Variants in BABAM2 observed in about 807,000 individuals in gnomAD.
The protein encoded by BABAM2 is BRISC and BRCA1 A complex member 2, also known as BRISC and BRCA1-A complex member 2.
A neutral mutation model predicts 54.7 loss-of-function variants in BABAM2; 31 were observed. The ratio of observed to expected loss-of-function variants is 0.57; its 90% CI spans 0.43 to 0.77. The LOEUF (loss-of-function observed/expected upper bound fraction) is 0.77, where lower values mean the gene tolerates loss of function less well. Among genes scored for constraint, BABAM2 ranks in the 30% least tolerant of loss-of-function variants. The pLI is 0.00. For synonymous variants in BABAM2, 167 were observed against 162.9 expected (o/e 1.03, Z -0.19); for missense variants, 364 against 455.8 (o/e 0.80, Z 1.83).
chr2:28,145,581 G>A (rs1671423979), intron 7 of BABAM2, among the ~76,000 whole-genome samples: 1 of 152,070 alleles, frequency 6.6e-6, no homozygotes. Flanking sequence ...GTTTTATTGA[G>A]CTATAATTCC....
In BABAM2 at chr2:28,304,133, G is replaced by T. The variant is rs1019813531; in HGVS notation, c.1088+5642G>T. The stretch of plus-strand genomic sequence containing the variant: ...TGCAATGGCATGATCTTGGCTCACC[G>T]CAACCTCCACCTCCCAGGTTCAAGT... On this transcript the variant is annotated intron_variant, in intron 11 of 11. Coordinates refer to ENST00000379624, the MANE Select transcript of BABAM2 (RefSeq NM_199191.3). The surrounding 1 kb of genome is among the most constrained non-coding windows in gnomAD (Gnocchi z 4.0). 6.6e-6 allele frequency among the ~76,000 whole-genome samples: 1 copy of T among 151,880 alleles called. No individual in the cohort carries two copies.
At chr2:28,263,799 A>C (rs937066125) in intron 10 of BABAM2, among the ~76,000 whole-genome samples, 1 of 152,234 alleles carries the variant, frequency 6.6e-6, no homozygotes, top group Non-Finnish European at 1.5e-5. Flanking sequence ...GGGGCTCCCC[A>C]GTGTTACCTC....
intron 3 of BABAM2, among the ~76,000 whole-genome samples, chr2:27,975,501 A>C (rs1176068912): frequency 6.6e-6 from 1 of 152,096 alleles, no homozygotes; most frequent in Non-Finnish European, 1.5e-5. Flanking sequence ...CAGCAAGTAG[A>C]CATCTACATG....
intron 6 of BABAM2, among the ~76,000 whole-genome samples, chr2:28,117,738 C>G (rs754326807): frequency 6.6e-6 from 1 of 152,142 alleles, no homozygotes; most frequent in Non-Finnish European, 1.5e-5. Flanking sequence ...TCAGCTGTTC[C>G]CAGGTATTAG....
intron 3 of BABAM2, among the ~76,000 whole-genome samples, chr2:27,967,966 A>G (rs568553027): frequency 6.6e-6 from 1 of 152,366 alleles, no homozygotes; most frequent in African/African-American, 2.4e-5. Flanking sequence ...TAAGGGAAGC[A>G]GAGCATAAAA....
At chr2:27,957,324 G>T (rs981667036) in intron 3 of BABAM2, among the ~76,000 whole-genome samples, 2 of 152,130 alleles carry the variant, frequency 1.3e-5, no homozygotes, top group African/African-American at 4.8e-5. Flanking sequence ...TCCAAATTTT[G>T]AAGTACAGTA....
chr2:27,987,890 TA>T (rs1672516173), intron 3 of BABAM2, 102 bp from the exon 4 acceptor site: 1 of 982,068 alleles, frequency 1.0e-6, no homozygotes, highest in African/African-American at 1.6e-5. Context: ...ATGGTTTTCT[TA>T]AACTAATGTA....
At chr2:28,119,557 G>T (rs1205398949) in intron 6 of BABAM2, among the ~76,000 whole-genome samples, 4 of 152,104 alleles carry the variant, frequency 2.6e-5, no homozygotes, top group Non-Finnish European at 5.9e-5. Flanking sequence ...TTTTCAAAGA[G>T]CCAGGATTTT....
At chr2:28,219,774 T>G (rs935548215) in intron 7 of BABAM2, among the ~76,000 whole-genome samples, 1 of 152,204 alleles carries the variant, frequency 6.6e-6, no homozygotes, top group Admixed American at 6.5e-5. Flanking sequence ...AGAGATGATG[T>G]TGTCGTAACA....
intron 6 of BABAM2, among the ~76,000 whole-genome samples, chr2:28,077,851 C>A (rs923247798): frequency 1.4e-4 from 22 of 152,074 alleles, no homozygotes; most frequent in African/African-American, 5.1e-4. Flanking sequence ...TCATAAAATT[C>A]ATGATTATAT....
chr2:27,967,776 T>A (rs1002854763), intron 3 of BABAM2, among the ~76,000 whole-genome samples: 1 of 152,214 alleles, frequency 6.6e-6, no homozygotes, highest in East Asian at 1.9e-4. Flanking sequence ...CATTGGGAAC[T>A]GGAGCAAAGG....
At position 28,204,554 on chromosome 2, in the gene BABAM2, G is replaced by T. The variant is rs146538035; in HGVS notation, c.681-32648G>T. Among the ~76,000 whole-genome samples, 7 of 151,890 alleles carry T rather than the reference G, an allele frequency of 4.6e-5. No homozygotes were observed. In the East Asian group the frequency reaches 1.2e-3, roughly 25 times the overall value. ...TTTTTTTCAACATACTTAGGACAAGGTCATTTCAAATGCCCAGATAAGTGC... is the reference window on the plus strand; with the variant it reads ...TTTTTTTCAACATACTTAGGACAAGTTCATTTCAAATGCCCAGATAAGTGC... On this transcript the variant is annotated intron_variant, in intron 7 of 11. Coordinates refer to ENST00000379624, the MANE Select transcript of BABAM2 (RefSeq NM_199191.3).
intron 11 of BABAM2, among the ~76,000 whole-genome samples, chr2:28,315,490 A>T (rs1169166922): frequency 3.1e-5 from 3 of 97,706 alleles, no homozygotes; most frequent in East Asian, 2.7e-4. Context: ...TCTTTTCGAG[A>T]CAGAGTCTCA....
At chr2:28,160,771 G>A (rs1423650688) in intron 7 of BABAM2, among the ~76,000 whole-genome samples, 1 of 149,958 alleles carries the variant, frequency 6.7e-6, no homozygotes, top group African/African-American at 2.5e-5. Context: ...GAGTAGGTAG[G>A]TGGGATGAAA....
intron 7 of BABAM2, among the ~76,000 whole-genome samples, chr2:28,234,106 C>T (rs1488052366): frequency 5.3e-5 from 8 of 152,128 alleles, no homozygotes; most frequent in Non-Finnish European, 1.0e-4. Context: ...GCCTGAACTC[C>T]GGTGACAGGC....
intron 7 of BABAM2, among the ~76,000 whole-genome samples, chr2:28,235,397 G>A (rs191619896): frequency 3.0e-4 from 46 of 151,996 alleles, no homozygotes; most frequent in African/African-American, 9.9e-4. Flanking sequence ...GAATGGTCTC[G>A]ATCTCTTGAC....
rs73922275 is a variant in BABAM2, at chr2:28,266,721, T to G, written c.934+21859T>G. Reference sequence around the variant, plus strand: ...ACTGTCCTCTGTACCTGATGCCACTTTATTTCTGTTTTCCAAAAACAAAGG... The same window carrying G: ...ACTGTCCTCTGTACCTGATGCCACTGTATTTCTGTTTTCCAAAAACAAAGG... On this transcript the variant is annotated intron_variant, in intron 10 of 11. Coordinates refer to ENST00000379624, the MANE Select transcript of BABAM2 (RefSeq NM_199191.3). Among the ~76,000 whole-genome samples, 998 of 152,362 alleles carry G rather than the reference T, an allele frequency of 6.6e-3. 12 individuals carry two copies. Among genetic ancestry groups the G allele is most frequent in the African/African-American group, 0.023 (953 of 41,588 alleles).
intron 3 of BABAM2, among the ~76,000 whole-genome samples, chr2:27,950,785 T>C (rs529134130): frequency 6.6e-6 from 1 of 152,254 alleles, no homozygotes; most frequent in South Asian, 2.1e-4. Context: ...TGGAGTTTTC[T>C]TTGTGGGAAG....
chr2:27,912,557 G>A (rs1167801138), intron 2 of BABAM2, among the ~76,000 whole-genome samples: 1 of 152,094 alleles, frequency 6.6e-6, no homozygotes, highest in African/African-American at 2.4e-5. Context: ...TCAAATGGAA[G>A]ATTGGAATTA....
Sources: allele counts gnomAD v4.1 joint callset (sites outside exome capture counted in the v4.1 genomes callset), GRCh38; gene constraint gnomAD v4.1.1; non-coding constraint Gnocchi (gnomAD v3.1); transcripts MANE v1.5; gene names NCBI Gene and HGNC (gene_info 2026-07-23, HGNC 2026-07-21).